AGR2: variants seen among roughly 807,000 people sequenced by gnomAD.
AGR2 encodes anterior gradient 2, protein disulphide isomerase family member, also known as anterior gradient protein 2 homolog.
A neutral mutation model predicts 25.9 loss-of-function variants in AGR2; 27 were observed. That is an observed-to-expected ratio of 1.04 (90% confidence interval 0.77 to 1.44). The LOEUF is 1.44. Ranked by LOEUF, AGR2 falls within the 40% of genes most tolerant of loss-of-function variation. The pLI is 0.00. For synonymous variants in AGR2, 78 were observed against 72.0 expected (o/e 1.08, Z -0.42); for missense variants, 182 against 200.9 (o/e 0.91, Z 0.57).
intron 1 of AGR2, 106 bp from the exon 2 acceptor site, chr7:16,801,909 G>C (rs1583809915): frequency 1.1e-6 from 1 of 903,342 alleles, no homozygotes; most frequent in South Asian, 1.9e-5. Context: ...CTGAGGCTCT[G>C]CTGAGACTGG....
In AGR2 at chr7:16,793,030, G is replaced by T. The variant is rs2115349851; in HGVS notation, c.479-73C>A. The stretch of plus-strand genomic sequence containing the variant: ...ATCGATATAATAAACCCCAAACTTG[G>T]ATGCTCAATTCATTATTTAATGGGA... On this transcript the variant is annotated intron_variant, in intron 7 of 7. Transcript: ENST00000419304. 4 of 1,376,874 alleles carry T rather than the reference G, an allele frequency of 2.9e-6. No individual in the cohort carries two copies. In the Middle Eastern group the frequency reaches 5.4e-4, roughly 185 times the overall value. The allele number at this position is 1,376,874 out of a possible 1,614,324, so 85.3% of individuals were successfully genotyped here.
rs142053652 is a variant in AGR2 at position 16,797,738 on chromosome 7, CA to C, written c.331-45del. On this transcript the variant is annotated intron_variant, in intron 5 of 7. Coordinates refer to ENST00000419304, the MANE Select transcript of AGR2 (RefSeq NM_006408.4). ...CATCTTTTAGTTTACTTTGACTTTTCAGTCGTTTTCAAACTTGTTAATACAA... is the reference window on the plus strand; with the variant it reads ...CATCTTTTAGTTTACTTTGACTTTTCGTCGTTTTCAAACTTGTTAATACAA... 909 of 1,550,150 alleles carry C rather than the reference CA, an allele frequency of 5.9e-4. 2 individuals are homozygous for C. In the African/African-American group the frequency reaches 0.011, roughly 19 times the overall value.
rs761518539 is a variant in AGR2 at position 16,797,739 on chromosome 7, A to C, written c.331-45T>G. ...ATCTTTTAGTTTACTTTGACTTTTC[A>C]GTCGTTTTCAAACTTGTTAATACAA... On this transcript the variant is annotated intron_variant, in intron 5 of 7. Coordinates refer to ENST00000419304, the MANE Select transcript of AGR2 (RefSeq NM_006408.4). 5 of 1,550,838 alleles carry C rather than the reference A, an allele frequency of 3.2e-6. No individual in the cohort carries two copies. The South Asian group carries it at 4.6e-5, about 14-fold the overall frequency.
rs148339065 is a variant in AGR2, at chr7:16,801,017, A to G, written c.256+134T>C. ...GTGGAGATATTTGAAGTCACTTTTA[A>G]ATATGTTTTTACTATATAAAATATT... On this transcript the variant is annotated intron_variant, in intron 4 of 7. Transcript: ENST00000419304. The G allele has an allele frequency of 5.7e-4, 363 of 631,796 alleles. 1 individual carries two copies. In the African/African-American group the frequency reaches 6.0e-3, roughly 10 times the overall value. The allele number at this position is 631,796 out of a possible 1,614,324, so 39.1% of individuals were successfully genotyped here. A position where few individuals can be genotyped will look rare whatever the true frequency, so the allele number is the denominator to read the frequency against.
intron 1 of AGR2, among the ~76,000 whole-genome samples, chr7:16,804,198 T>G (rs1352645209): frequency 6.7e-6 from 1 of 149,494 alleles, no homozygotes; most frequent in Non-Finnish European, 1.5e-5. Flanking sequence ...GCAAATTTCC[T>G]GCATAAACCA....
Position 16,794,915 on chromosome 7 carries a change from C to T in AGR2, c.478+21G>A, listed in dbSNP as rs777303912. ...AGGTGTTCAACTCTTGGGCAACATCCGAATTGAAGGTCACACTTACACAGA... is the reference window on the plus strand; with the variant it reads ...AGGTGTTCAACTCTTGGGCAACATCTGAATTGAAGGTCACACTTACACAGA... On this transcript the variant is annotated intron_variant, in intron 7 of 7. Transcript: ENST00000419304. 1.5e-5 allele frequency: 24 copies of T among 1,613,858 alleles called. No homozygotes were observed. In the Admixed American group the frequency reaches 2.0e-4, roughly 13 times the overall value.
chr7:16,794,646 G>A (rs1314689391), intron 7 of AGR2: 5 of 617,874 alleles, frequency 8.1e-6, no homozygotes, highest in South Asian at 4.9e-5. Flanking sequence ...GTGTGTGCTC[G>A]TGTACCTAAC....
chr7:16,799,366 A>C lies in AGR2; in HGVS notation c.330+378T>G, dbSNP rs536647899. Among the ~76,000 whole-genome samples the C allele has an allele frequency of 8.5e-5, 13 of 152,266 alleles. No homozygotes were observed. The East Asian group carries it at 2.5e-3, about 29-fold the overall frequency. Reference sequence around the variant, plus strand: ...GGAATGCATGAAGCTAAAGCACAAGAGGCATGATTAGAGTTGGAAAGCCAG... The same window carrying C: ...GGAATGCATGAAGCTAAAGCACAAGCGGCATGATTAGAGTTGGAAAGCCAG... On this transcript the variant is annotated intron_variant, in intron 5 of 7. Coordinates refer to ENST00000419304, the MANE Select transcript of AGR2 (RefSeq NM_006408.4).
At position 16,797,825 on chromosome 7, in the gene AGR2, T is replaced by C. The variant is rs1785075681; in HGVS notation, c.331-131A>G. On this transcript the variant is annotated intron_variant, in intron 5 of 7. Coordinates refer to ENST00000419304, the MANE Select transcript of AGR2 (RefSeq NM_006408.4). ...TCATAACTCTTCCACACAGAGTTTA[T>C]TGTACAGATGAGGAGACAAGTTACA... is the stretch of plus-strand genomic sequence containing the variant. 1.8e-5 allele frequency: 12 copies of C among 670,138 alleles called. No individual in the cohort carries two copies. In the South Asian group the frequency reaches 2.3e-4, roughly 13 times the overall value. 41.5% of individuals were successfully genotyped at this position (670,138 alleles called of 1,614,324 possible).
rs6842 is a variant in AGR2, at chr7:16,794,973, A to G, written c.441T>C (p.Asn147=). 754,429 of 1,613,576 alleles carry G rather than the reference A, an allele frequency of 0.47. 182,388 individuals are homozygous for G. Among genetic ancestry groups the G allele is most frequent in the Middle Eastern group, 0.54 (3,253 of 6,062 alleles). Residue 147 remains asparagine (N), a synonymous_variant, in exon 7 of 8, where the codon AAT becomes AAC. Transcript: ENST00000419304. ...CTGCAGGTTCGTAAGCATAGAGACGATTTGAATATCTTCCAGTGATATCGG... is the reference window on the plus strand; with the variant it reads ...CTGCAGGTTCGTAAGCATAGAGACGGTTTGAATATCTTCCAGTGATATCGG... ...VRADITGRYS[N]RLYAYEPADT... is the part of the protein sequence containing the mutation.
rs1784980686 is a variant in AGR2 at position 16,792,543 on chromosome 7, A to C, written c.*365T>G. On this transcript the variant is annotated 3_prime_UTR_variant, in exon 8 of 8. Coordinates refer to ENST00000419304, the MANE Select transcript of AGR2 (RefSeq NM_006408.4). ...GATGATAACTTGGTCTTTGGTCTTC[A>C]TCATTTGAACTAGTTTTGGTTTTGT... The C allele has an allele frequency of 4.8e-6, 1 of 210,348 alleles. No homozygotes were observed. Among genetic ancestry groups the C allele is most frequent in the Admixed American group, 5.6e-5 (1 of 17,838 alleles). 13.0% of individuals were successfully genotyped at this position (210,348 alleles called of 1,614,324 possible).
chr7:16,794,303 C>T (rs1785007107), intron 7 of AGR2, among the ~76,000 whole-genome samples: 1 of 152,204 alleles, frequency 6.6e-6, no homozygotes, highest in African/African-American at 2.4e-5. Flanking sequence ...TTCTAGGCAG[C>T]CACTACTAAT....
At chr7:16,797,545 C>T (rs542380658) in intron 6 of AGR2, 86 bp downstream of exon 6, 48 of 1,166,444 alleles carry the variant, frequency 4.1e-5, no homozygotes, top group African/African-American at 2.6e-4. Flanking sequence ...GCCATGGCAA[C>T]GTGGCAAGGG....
intron 7 of AGR2, among the ~76,000 whole-genome samples, chr7:16,794,429 C>G (rs1234073309): frequency 1.3e-5 from 2 of 151,886 alleles, no homozygotes; most frequent in African/African-American, 4.9e-5. Context: ...GTCAGTGTCT[C>G]TCTCTCTCTC....
intron 5 of AGR2, among the ~76,000 whole-genome samples, chr7:16,798,019 A>G (rs1785078412): frequency 6.6e-6 from 1 of 152,252 alleles, no homozygotes; most frequent in East Asian, 1.9e-4. Flanking sequence ...TCATTTCTAG[A>G]GAAATTACGG....
At chr7:16,794,292 G>A (rs1467812248) in intron 7 of AGR2, among the ~76,000 whole-genome samples, 5 of 152,242 alleles carry the variant, frequency 3.3e-5, no homozygotes, top group Non-Finnish European at 7.3e-5. Flanking sequence ...GGACAGTGCA[G>A]TTCTAGGCAG....
intron 5 of AGR2, 175 bp downstream of exon 5, chr7:16,799,569 A>G (rs1785107308): frequency 3.6e-6 from 2 of 548,196 alleles, no homozygotes; most frequent in South Asian, 2.9e-5. Context: ...AAACAGACAC[A>G]CCAAATGGAT....
intron 1 of AGR2, among the ~76,000 whole-genome samples, chr7:16,804,221 A>G (rs565880243): frequency 1.3e-5 from 2 of 150,350 alleles, no homozygotes; most frequent in South Asian, 4.3e-4. Flanking sequence ...TCAAAACACA[A>G]TTCCATGGAA....
rs1390756196 is a variant in AGR2, at chr7:16,797,659, G to C, written c.366C>G (p.Gly122=). The C allele has an allele frequency of 6.2e-7, 1 of 1,613,910 alleles. No individual in the cohort carries two copies. Among genetic ancestry groups the C allele is most frequent in the Admixed American group, 1.7e-5 (1 of 59,986 alleles). ...ETTDKHLSPD[G]QYVPRIMFVD... is the part of the protein sequence containing the mutation. ...CAAACATAATCCTGGGGACATACTG[G>C]CCATCAGGAGAAAGGTGTTTGTCAG... The change falls in exon 6 of 8, where the codon GGC becomes GGG. Residue 122 remains glycine (G), a synonymous_variant. Coordinates refer to ENST00000419304, the MANE Select transcript of AGR2 (RefSeq NM_006408.4).
Sources: gnomAD v4.1 joint callset for allele counts (sites outside exome capture counted in the v4.1 genomes callset) on GRCh38, gnomAD v4.1.1 for gene constraint, MANE v1.5 for transcripts, NCBI Gene and HGNC (gene_info 2026-07-23, HGNC 2026-07-21) for gene names.